Variants in SUMF1 observed in about 807,000 individuals in gnomAD.
The protein encoded by SUMF1 is formylglycine-generating enzyme.
Under a neutral mutation model 47.6 loss-of-function variants are expected in SUMF1, and 48 were observed. The ratio of observed to expected loss-of-function variants is 1.01; its 90% CI spans 0.80 to 1.28. SUMF1 has a LOEUF of 1.28. Ranked by LOEUF, SUMF1 falls within the 50% of genes most tolerant of loss-of-function variation. The pLI, the probability that SUMF1 is intolerant of heterozygous loss-of-function variation, is 0.00. For synonymous variants in SUMF1, 230 were observed against 192.1 expected, an observed-to-expected ratio of 1.20 and a Z score of -1.63; for missense variants, 571 against 485.4, an observed-to-expected ratio of 1.18 and a Z score of -1.66.
chr3:4,466,441 A>C (rs1429596010), intron 1 of SUMF1, among the ~76,000 whole-genome samples: 2 of 152,104 alleles, frequency 1.3e-5, no homozygotes, highest in African/African-American at 2.4e-5. Context: ...CCGGCACCTA[A>C]CACATACAGG....
At chr3:4,345,510 G>A (rs531160867) in intron 8 of SUMF1, among the ~76,000 whole-genome samples, 1 of 152,118 alleles carries the variant, frequency 6.6e-6, no homozygotes, top group Admixed American at 6.5e-5. Context: ...CAACAGGCCT[G>A]CCCTGCAAGA....
chr3:4,316,745 A>G lies in SUMF1; in HGVS notation c.1014+59585T>C. ...AGTGGTTGGATCAAGAAGAAGCTCCAAAGCACTTCCCAAAGCCAATCTTGC... is the reference window on the plus strand; with the variant it reads ...AGTGGTTGGATCAAGAAGAAGCTCCGAAGCACTTCCCAAAGCCAATCTTGC... On this transcript the variant is annotated intron_variant and NMD_transcript_variant, in intron 8 of 12. Transcript: ENST00000448413. The G allele has an allele frequency of 1.9e-6, 3 of 1,550,832 alleles. No homozygotes were observed. In the South Asian group the frequency reaches 3.6e-5, roughly 18 times the overall value.
intron 8 of SUMF1, among the ~76,000 whole-genome samples, chr3:4,274,898 C>T (rs1235823336): frequency 6.6e-6 from 1 of 152,128 alleles, no homozygotes; most frequent in Non-Finnish European, 1.5e-5. Context: ...TACGGAATAA[C>T]ACCAATGAAA....
chr3:4,166,783 A>C lies in SUMF1; in HGVS notation c.1015-98038T>G, dbSNP rs913210400. On this transcript the variant is annotated intron_variant and NMD_transcript_variant, in intron 8 of 12. Transcript: ENST00000448413. The stretch of plus-strand genomic sequence containing the variant: ...ACTTTTTTTCGGGACCCGAGAGCTG[A>C]ATGGCTTCCCTCTCTGTTGACCCTC... 8.6e-5 allele frequency among the ~76,000 whole-genome samples: 13 copies of C among 152,040 alleles called. No individual in the cohort carries two copies. The South Asian group carries it at 2.5e-3, about 29-fold the overall frequency.
At chr3:4,403,941 G>T (rs1320621311) in intron 7 of SUMF1, among the ~76,000 whole-genome samples, 1 of 152,210 alleles carries the variant, frequency 6.6e-6, no homozygotes. Context: ...GGAAGAATCA[G>T]TAGTTGTAAC....
chr3:4,175,507 G>A (rs146293502), intron 8 of SUMF1, among the ~76,000 whole-genome samples: 200 of 152,158 alleles, frequency 1.3e-3, no homozygotes, highest in African/African-American at 4.5e-3. Flanking sequence ...CAACAAAAAG[G>A]TCATCTACAC....
chr3:4,222,000 T>TA, intron 8 of SUMF1, among the ~76,000 whole-genome samples: 1 of 152,118 alleles, frequency 6.6e-6, no homozygotes, highest in East Asian at 1.9e-4. Flanking sequence ...ATTTTCATTG[T>TA]AAAAAAATTT....
intron 8 of SUMF1, among the ~76,000 whole-genome samples, chr3:4,101,004 C>A (rs954540534): frequency 4.6e-5 from 7 of 151,938 alleles, no homozygotes; most frequent in Admixed American, 2.6e-4. Flanking sequence ...TAAAATATAA[C>A]AAGTATTGCC....
At chr3:4,165,329 G>A (rs1033193991) in intron 8 of SUMF1, among the ~76,000 whole-genome samples, 1 of 152,124 alleles carries the variant, frequency 6.6e-6, no homozygotes, top group Admixed American at 6.5e-5. Context: ...CATATACCCG[G>A]GTTGGGCTAA....
chr3:4,435,965 T>C (rs879122500), intron 3 of SUMF1, among the ~76,000 whole-genome samples: 2 of 152,186 alleles, frequency 1.3e-5, no homozygotes, highest in African/African-American at 4.8e-5. Context: ...TGGATAAATA[T>C]AACAGACTAT....
chr3:4,303,051 G>A (rs1404672086), intron 8 of SUMF1, among the ~76,000 whole-genome samples: 1 of 152,132 alleles, frequency 6.6e-6, no homozygotes, highest in Non-Finnish European at 1.5e-5. Flanking sequence ...CTCCACAAAC[G>A]TGCAGTGAGC....
intron 8 of SUMF1, among the ~76,000 whole-genome samples, chr3:4,088,378 T>C (rs535485413): frequency 2.0e-5 from 3 of 152,152 alleles, no homozygotes; most frequent in South Asian, 4.1e-4. Context: ...TGAGACAATA[T>C]ATATTTGCCC....
Position 4,255,592 on chromosome 3 carries a change from C to T in SUMF1, c.1014+120738G>A, listed in dbSNP as rs560869925. Among the ~76,000 whole-genome samples the T allele has an allele frequency of 3.6e-3, 327 of 91,220 alleles. 3 individuals are homozygous for T. The highest frequency in any genetic ancestry group is 0.016 in the African/African-American group (308 of 19,702). The allele number at this position is 91,220 out of a possible 152,430, so 59.8% of individuals were successfully genotyped here. Reference sequence around the variant, plus strand: ...ATCCTAAATATATATGCACCCAACACAGGAGCACCCAGATTCATAAAGCAA... The same window carrying T: ...ATCCTAAATATATATGCACCCAACATAGGAGCACCCAGATTCATAAAGCAA... On this transcript the variant is annotated intron_variant and NMD_transcript_variant, in intron 8 of 12. Transcript: ENST00000448413.
rs200345528 is a variant in SUMF1 at position 4,344,115 on chromosome 3, T to C, written c.1014+32215A>G. Among the ~76,000 whole-genome samples the C allele has an allele frequency of 1.3e-4, 20 of 152,338 alleles. 1 individual carries two copies. The highest frequency in any genetic ancestry group is 5.8e-4 in the East Asian group (3 of 5,190). The stretch of plus-strand genomic sequence containing the variant: ...AAGCAGCAGCATTCTGAGGCTCCCA[T>C]AGAAGAAAACTATAATAAGCATGAG... On this transcript the variant is annotated intron_variant and NMD_transcript_variant, in intron 8 of 12. Coordinates refer to the SUMF1 transcript ENST00000448413.
At position 4,114,602 on chromosome 3, in the gene SUMF1, C is replaced by T. The variant is rs559585034; in HGVS notation, c.1015-45857G>A. Among the ~76,000 whole-genome samples the T allele has an allele frequency of 7.3e-5, 11 of 150,488 alleles. No individual in the cohort carries two copies. The South Asian group carries it at 2.4e-3, about 32-fold the overall frequency. On this transcript the variant is annotated intron_variant and NMD_transcript_variant, in intron 8 of 12. Coordinates refer to the SUMF1 transcript ENST00000448413. ...GGCCAACATAAAAATTAATGAGACC[C>T]GTATCAGGTTAAACCACTTTGTAAA...
intron 8 of SUMF1, among the ~76,000 whole-genome samples, chr3:4,200,656 G>T (rs1038799245): frequency 2.6e-5 from 4 of 152,068 alleles, no homozygotes; most frequent in Non-Finnish European, 5.9e-5. Flanking sequence ...GGCCTATCAT[G>T]GGAGTTCTCA....
chr3:4,150,822 T>A (rs926300323), intron 8 of SUMF1, among the ~76,000 whole-genome samples: 2 of 151,466 alleles, frequency 1.3e-5, no homozygotes, highest in African/African-American at 4.9e-5. Context: ...AAGAGCTCCA[T>A]CTCTTCTGTT....
rs371662293 is a variant in SUMF1, at chr3:4,437,004, G to T, written c.519+12262C>A. ...TTCCAACCTAAAATTTTTACTTAGT[G>T]AAAGTATCTTTCAAAAATGAGGTAC... On this transcript the variant is annotated intron_variant, in intron 3 of 8. Transcript: ENST00000272902. 9.2e-5 allele frequency among the ~76,000 whole-genome samples: 14 copies of T among 152,260 alleles called. No individual in the cohort carries two copies. In the East Asian group the frequency reaches 1.5e-3, roughly 17 times the overall value.
At chr3:4,162,215 CCT>C (rs1335559127) in intron 8 of SUMF1, among the ~76,000 whole-genome samples, 1 of 152,160 alleles carries the variant, frequency 6.6e-6, no homozygotes, top group African/African-American at 2.4e-5. Flanking sequence ...TCCTCCCTCT[CCT>C]CTCCTCAAGT....
Sources: allele counts gnomAD v4.1 joint callset (sites outside exome capture counted in the v4.1 genomes callset), GRCh38; gene constraint gnomAD v4.1.1; transcripts MANE v1.5; gene names NCBI Gene and HGNC (gene_info 2026-07-23, HGNC 2026-07-21).